GNG12: variants seen among roughly 807,000 people sequenced by gnomAD.
GNG12 encodes the protein guanine nucleotide-binding protein G(I)/G(S)/G(O) subunit gamma-12.
For missense variants in GNG12, 69 were observed against 83.8 expected, an observed-to-expected ratio of 0.82 and a Z score of 0.69; for synonymous variants, 28 against 29.7, an observed-to-expected ratio of 0.94 and a Z score of 0.19.
chr1:67,794,799 TATCA>T (rs1373838401), intron 1 of GNG12, among the ~76,000 whole-genome samples: 7 of 152,246 alleles, frequency 4.6e-5, no homozygotes, highest in Non-Finnish European at 7.3e-5. Flanking sequence ...GCTATATTTA[TATCA>T]TTTAGCACAG....
At chr1:67,719,934 T>C (rs981684628) in intron 2 of GNG12, among the ~76,000 whole-genome samples, 1 of 152,228 alleles carries the variant, frequency 6.6e-6, no homozygotes, top group African/African-American at 2.4e-5. Context: ...GATTAAGACA[T>C]GCGATGTAGC....
At chr1:67,814,772 A>G (rs1570570742) in intron 1 of GNG12, among the ~76,000 whole-genome samples, 2 of 150,616 alleles carry the variant, frequency 1.3e-5, no homozygotes, top group East Asian at 3.9e-4. Flanking sequence ...GTGTTTCTTT[A>G]GTCCTAGGGG....
At chr1:67,707,468 C>T (rs1646256096) in intron 3 of GNG12, 126 bp downstream of exon 3, 4 of 695,916 alleles carry the variant, frequency 5.7e-6, no homozygotes, top group Middle Eastern at 2.4e-4. Flanking sequence ...GACTCTCAGC[C>T]TGTTCTGGAA....
At chr1:67,733,408 G>C (rs1021012985) in intron 2 of GNG12, among the ~76,000 whole-genome samples, 3 of 151,864 alleles carry the variant, frequency 2.0e-5, no homozygotes, top group Non-Finnish European at 4.4e-5. Flanking sequence ...TCCTCTTCTG[G>C]CCTTTGCAAA....
chr1:67,780,122 G>T (rs559370793), intron 1 of GNG12, among the ~76,000 whole-genome samples: 1 of 152,288 alleles, frequency 6.6e-6, no homozygotes, highest in African/African-American at 2.4e-5. Context: ...TGTACTATTG[G>T]TAATATTAAA....
intron 1 of GNG12, among the ~76,000 whole-genome samples, chr1:67,821,471 C>A (rs1175590095): frequency 6.6e-6 from 1 of 152,182 alleles, no homozygotes; most frequent in African/African-American, 2.4e-5. Flanking sequence ...TAAGAGGCAG[C>A]AAAGAGCCGG....
intron 2 of GNG12, among the ~76,000 whole-genome samples, chr1:67,759,435 G>T (rs142589318): frequency 6.6e-6 from 1 of 152,316 alleles, no homozygotes; most frequent in African/African-American, 2.4e-5. Context: ...ACGAATTCTG[G>T]AATCAGGTAG....
In GNG12 at chr1:67,776,307, G is replaced by C. The variant is rs993022486; in HGVS notation, c.-27+1151C>G. Among the ~76,000 whole-genome samples, 12 of 152,276 alleles carry C rather than the reference G, an allele frequency of 7.9e-5. No individual in the cohort carries two copies. The South Asian group carries it at 2.3e-3, about 29-fold the overall frequency. ...CTCCATGCTCTTCTCATTCACCACA[G>C]CTGTTTCCATGTGCCCCATAAACAC... is the stretch of plus-strand genomic sequence containing the variant. On this transcript the variant is annotated intron_variant, in intron 2 of 3. Transcript: ENST00000370982.
chr1:67,762,251 G>T (rs1026568031), intron 2 of GNG12, among the ~76,000 whole-genome samples: 8 of 152,138 alleles, frequency 5.3e-5, no homozygotes, highest in Non-Finnish European at 5.9e-5. Context: ...TGTAATCACT[G>T]ACTTGTTTAT....
At chr1:67,790,174 TCCAGTACAAC>T (rs1227183295) in intron 1 of GNG12, among the ~76,000 whole-genome samples, 1 of 152,114 alleles carries the variant, frequency 6.6e-6, no homozygotes, top group Non-Finnish European at 1.5e-5. Flanking sequence ...AACCAGCATA[TCCAGTACAAC>T]CCACCTGTTC....
At position 67,827,436 on chromosome 1, in the gene GNG12, A is replaced by ATT. The variant is rs57761551; in HGVS notation, c.-77+5906_-77+5907dup. On this transcript the variant is annotated intron_variant, in intron 1 of 3. Coordinates refer to ENST00000370982, the MANE Select transcript of GNG12 (RefSeq NM_018841.6). The stretch of plus-strand genomic sequence containing the variant: ...CTCCAACACTCCAGTTTTTTTTTTT[A>ATT]TTTTTTTAAGATGGCATCTTGCTCT... 5.4e-3 allele frequency among the ~76,000 whole-genome samples: 801 copies of ATT among 147,958 alleles called. 11 individuals are homozygous for ATT. The highest frequency in any genetic ancestry group is 0.019 in the African/African-American group (771 of 40,158).
At chr1:67,791,859 TACTC>T (rs1195244597) in intron 1 of GNG12, among the ~76,000 whole-genome samples, 3 of 152,120 alleles carry the variant, frequency 2.0e-5, no homozygotes, top group African/African-American at 4.8e-5. Flanking sequence ...TTAACACACT[TACTC>T]ACGTCCACTC....
At chr1:67,728,453 G>C (rs886478534) in intron 2 of GNG12, among the ~76,000 whole-genome samples, 1 of 152,148 alleles carries the variant, frequency 6.6e-6, no homozygotes, top group Non-Finnish European at 1.5e-5. Flanking sequence ...TGCACCCCTT[G>C]TTTGCTTCTC....
In GNG12 at chr1:67,705,327, T is replaced by C; in HGVS notation, c.*124A>G. Reference sequence around the variant, plus strand: ...AAAATAGAGACTTCAGAGTCCATTATTCCAAGCTGAGAACATTTTAGTTAT... The same window carrying C: ...AAAATAGAGACTTCAGAGTCCATTACTCCAAGCTGAGAACATTTTAGTTAT... On this transcript the variant is annotated 3_prime_UTR_variant, in exon 4 of 4. Coordinates refer to ENST00000370982, the MANE Select transcript of GNG12 (RefSeq NM_018841.6). 1.4e-6 allele frequency: 2 copies of C among 1,448,174 alleles called. No homozygotes were observed. The highest frequency in any genetic ancestry group is 1.8e-6 in the Non-Finnish European group (2 of 1,090,190). 89.7% of individuals were successfully genotyped at this position (1,448,174 alleles called of 1,614,324 possible). A position where few individuals can be genotyped will look rare whatever the true frequency, so the allele number is the denominator to read the frequency against.
At chr1:67,726,188 A>C (rs919123817) in intron 2 of GNG12, among the ~76,000 whole-genome samples, 5 of 152,360 alleles carry the variant, frequency 3.3e-5, no homozygotes, top group Middle Eastern at 3.4e-3. Flanking sequence ...CATGGGTCCC[A>C]AGCATTGGCT....
intron 2 of GNG12, among the ~76,000 whole-genome samples, chr1:67,766,108 A>ACACG (rs1646636549): frequency 2.5e-5 from 1 of 40,546 alleles, no homozygotes; most frequent in African/African-American, 7.4e-5. Flanking sequence ...GCACACACGC[A>ACACG]CACACACACA....
At chr1:67,786,881 G>A (rs1646770632) in intron 1 of GNG12, among the ~76,000 whole-genome samples, 1 of 151,844 alleles carries the variant, frequency 6.6e-6, no homozygotes, top group Non-Finnish European at 1.5e-5. Flanking sequence ...AGGTTGCAGT[G>A]AGCAGATATT....
At chr1:67,797,795 T>C (rs915545626) in intron 1 of GNG12, among the ~76,000 whole-genome samples, 2 of 152,112 alleles carry the variant, frequency 1.3e-5, no homozygotes, top group African/African-American at 4.8e-5. Flanking sequence ...GGCGGGCACA[T>C]AGCATTTAAC....
At chr1:67,822,425 G>C (rs1244558150) in intron 1 of GNG12, among the ~76,000 whole-genome samples, 1 of 151,968 alleles carries the variant, frequency 6.6e-6, no homozygotes, top group African/African-American at 2.4e-5. Context: ...ACCCAAAGGT[G>C]CTAGGTACCC....
Sources: gnomAD v4.1 joint callset for allele counts (sites outside exome capture counted in the v4.1 genomes callset) on GRCh38, gnomAD v4.1.1 for gene constraint, MANE v1.5 for transcripts, NCBI Gene and HGNC (gene_info 2026-07-23, HGNC 2026-07-21) for gene names.